SLC2A7: variants seen among roughly 807,000 people sequenced by gnomAD.
SLC2A7 encodes the protein solute carrier family 2 member 7, also known as solute carrier family 2, facilitated glucose transporter member 7.
In SLC2A7, 50 loss-of-function variants were observed where a neutral mutation model predicts 50.5. The ratio of observed to expected loss-of-function variants is 0.99; its 90% CI spans 0.79 to 1.25. SLC2A7 has a LOEUF of 1.25. Ranked by LOEUF, SLC2A7 falls within the 50% of genes most tolerant of loss-of-function variation. SLC2A7 has a pLI of 0.00. For synonymous variants in SLC2A7, 308 were observed against 300.4 expected (o/e 1.03, Z -0.26); for missense variants, 683 against 679.1 (o/e 1.01, Z -0.06).
chr1:9,018,014 A>T (rs707468), intron 5 of SLC2A7, among the ~76,000 whole-genome samples: 146,720 of 152,182 alleles, frequency 0.96, 70,765 homozygotes, highest in East Asian at 1. Context: ...TACCTGCCTC[A>T]GAGCCCGATT....
At chr1:9,023,549 G>C (rs141002383) in intron 2 of SLC2A7, among the ~76,000 whole-genome samples, 2,462 of 152,046 alleles carry the variant, frequency 0.016, 67 homozygotes, top group African/African-American at 0.056. Context: ...GGAGCTTGCA[G>C]TGAGCCGAGA....
chr1:9,021,095 C>T (rs886827053), intron 3 of SLC2A7, among the ~76,000 whole-genome samples: 9 of 152,084 alleles, frequency 5.9e-5, no homozygotes, highest in African/African-American at 1.7e-4. Flanking sequence ...TAATACACTC[C>T]GCCTCCCGGG....
At chr1:9,019,383 G>A (rs766412020) in intron 3 of SLC2A7, 50 bp from the exon 4 acceptor site, 1 of 1,604,940 alleles carries the variant, frequency 6.2e-7, no homozygotes, top group South Asian at 1.1e-5. Flanking sequence ...GGCCGCGGAA[G>A]CCCTCCCAAC....
chr1:8,998,404 C>G (rs1297012657), downstream of SLC2A7, among the ~76,000 whole-genome samples: 3 of 152,074 alleles, frequency 2.0e-5, no homozygotes, highest in Admixed American at 2.0e-4. Flanking sequence ...GATTCCATCT[C>G]AAAATAAATA....
chr1:8,995,015 C>A, the SLC2A7 span, among the ~76,000 whole-genome samples: 4 of 151,768 alleles, frequency 2.6e-5, no homozygotes, highest in Non-Finnish European at 4.4e-5. Context: ...AGGTGATTCA[C>A]CTGCCTCAGC....
chr1:9,022,233 C>T (rs193257015), intron 3 of SLC2A7, among the ~76,000 whole-genome samples: 9 of 152,356 alleles, frequency 5.9e-5, no homozygotes, highest in East Asian at 1.9e-4. Context: ...CCAAGTGTAA[C>T]TGTGAGTCCG....
At chr1:9,004,652 C>A in intron 11 of SLC2A7, 100 bp downstream of exon 11, 1 of 1,457,142 alleles carries the variant, frequency 6.9e-7, no homozygotes, top group South Asian at 1.3e-5. Flanking sequence ...GAGAGCCTGT[C>A]CCCACCTTGC....
At position 9,019,337 on chromosome 1, in the gene SLC2A7, CAA is replaced by C. The variant is rs1371541023; in HGVS notation, c.312-6_312-5del. ...GTTGATCAGCAGGGTCCCCTTTCTG[CAA>C]AGACAGTGAGCCCAGAGGGCAGGGG... On this transcript the variant is annotated splice_region_variant and splice_polypyrimidine_tract_variant and intron_variant, in intron 3 of 11. Coordinates refer to ENST00000400906, the MANE Select transcript of SLC2A7 (RefSeq NM_207420.3). 1 of 1,613,594 alleles carries C rather than the reference CAA, an allele frequency of 6.2e-7. No homozygotes were observed. The highest frequency in any genetic ancestry group is 8.5e-7 in the Non-Finnish European group (1 of 1,179,752).
intron 4 of SLC2A7, 21 bp from the exon 5 acceptor site, chr1:9,018,396 A>G (rs1464943278): frequency 1.2e-6 from 2 of 1,613,614 alleles, no homozygotes; most frequent in Non-Finnish European, 1.7e-6. Context: ...CACAGCAGAA[A>G]TCAGGGCAGG....
At chr1:9,015,335 C>T in intron 5 of SLC2A7, 93 bp from the exon 6 acceptor site, 5 of 1,432,116 alleles carry the variant, frequency 3.5e-6, no homozygotes, top group Non-Finnish European at 4.6e-6. Context: ...TATGTGTGAA[C>T]CAAGGACTGT....
At chr1:9,007,470 C>T in intron 9 of SLC2A7, 85 bp from the exon 10 acceptor site, 1 of 1,287,508 alleles carries the variant, frequency 7.8e-7, no homozygotes, top group Non-Finnish European at 1.1e-6. Flanking sequence ...CCTTCCTGCC[C>T]CAGGGAGGAG....
chr1:8,996,667 C>T, the SLC2A7 span, among the ~76,000 whole-genome samples: 3 of 152,174 alleles, frequency 2.0e-5, no homozygotes, highest in Non-Finnish European at 4.4e-5. Context: ...CCAGTTGCCC[C>T]TCATCTTTAT....
In SLC2A7 at chr1:9,014,903, T is replaced by A. The variant is rs754047524; in HGVS notation, c.716-35A>T. 19 of 1,548,804 alleles carry A rather than the reference T, an allele frequency of 1.2e-5. No homozygotes were observed. In the South Asian group the frequency reaches 1.9e-4, roughly 15 times the overall value. ...GCAGAACCACCCGCTCAGAGGGCCGTCTCCCTGCAGGCTGGGCCCCAAGCC... is the reference window on the plus strand; with the variant it reads ...GCAGAACCACCCGCTCAGAGGGCCGACTCCCTGCAGGCTGGGCCCCAAGCC... On this transcript the variant is annotated intron_variant, in intron 6 of 11. Coordinates refer to ENST00000400906, the MANE Select transcript of SLC2A7 (RefSeq NM_207420.3).
At chr1:8,993,336 C>A in the SLC2A7 span, among the ~76,000 whole-genome samples, 192 of 152,342 alleles carry the variant, frequency 1.3e-3, 1 homozygote, top group African/African-American at 4.5e-3. Context: ...GGTGGGGACA[C>A]AGCCTAAACA....
At chr1:9,022,069 C>T (rs946471649) in intron 3 of SLC2A7, among the ~76,000 whole-genome samples, 12 of 152,178 alleles carry the variant, frequency 7.9e-5, no homozygotes, top group South Asian at 4.1e-4. Context: ...AGAAGAGGTC[C>T]TATGAATCTT....
At chr1:8,993,194 C>T in the SLC2A7 span, among the ~76,000 whole-genome samples, 1 of 152,224 alleles carries the variant, frequency 6.6e-6, no homozygotes, top group Non-Finnish European at 1.5e-5. Flanking sequence ...AGGAACTCCT[C>T]TTTTGAAAAC....
At chr1:8,994,169 G>A in the SLC2A7 span, among the ~76,000 whole-genome samples, 6 of 152,286 alleles carry the variant, frequency 3.9e-5, no homozygotes, top group Admixed American at 2.6e-4. Context: ...AAGTGTAACC[G>A]TGAATCCAAA....
Position 9,003,332 on chromosome 1 carries a change from T to C in SLC2A7, c.1507A>G (p.Thr503Ala). 6.2e-7 allele frequency: 1 copy of C among 1,613,814 alleles called. No homozygotes were observed. Among genetic ancestry groups the C allele is most frequent in the Non-Finnish European group, 8.5e-7 (1 of 1,179,986 alleles). ...KEETIDAGPP[T>A]ASPAKETSF ...GAAGTTTCCTTGGCAGGAGAGGCTG[T>C]GGGAGGCCCAGCATCAATGGTTTCT... Residue 503 changes from threonine to alanine, a missense_variant, in exon 12 of 12, where the codon ACA becomes GCA. Thr to Ala is a moderately conservative substitution (Grantham distance 58). Transcript: ENST00000400906.
intron 11 of SLC2A7, among the ~76,000 whole-genome samples, chr1:9,004,404 A>G (rs1208809472): frequency 6.6e-6 from 1 of 151,406 alleles, no homozygotes; most frequent in Non-Finnish European, 1.5e-5. Context: ...GAAGGTGCTG[A>G]GAGCGCAGAG....
Sources: gnomAD v4.1 joint callset for allele counts (sites outside exome capture counted in the v4.1 genomes callset) on GRCh38, gnomAD v4.1.1 for gene constraint, MANE v1.5 for transcripts, NCBI Gene and HGNC (gene_info 2026-07-23, HGNC 2026-07-21) for gene names.